The following AGBL4 variants were observed in gnomAD, a reference collection of about 807,000 sequenced individuals.
The protein encoded by AGBL4 is AGBL carboxypeptidase 4.
A neutral mutation model predicts 66.4 loss-of-function variants in AGBL4; 58 were observed. The ratio of observed to expected loss-of-function variants is 0.87; its 90% CI spans 0.71 to 1.09. AGBL4 has a LOEUF of 1.09. Among genes scored for constraint, AGBL4 ranks in the 50% least tolerant of loss-of-function variants. The probability of loss-of-function intolerance (pLI) is 0.00; values close to 1 mark genes in which losing one functional copy is unlikely to be tolerated. For synonymous variants in AGBL4, 234 were observed against 222.9 expected (o/e 1.05, Z -0.44); for missense variants, 579 against 631.0 (o/e 0.92, Z 0.88).
At chr1:49,333,255 G>A (rs1645370462) in intron 3 of AGBL4, among the ~76,000 whole-genome samples, 1 of 152,158 alleles carries the variant, frequency 6.6e-6, no homozygotes, top group Non-Finnish European at 1.5e-5. Flanking sequence ...CAAGGCGGGT[G>A]GATCATGAGG....
chr1:48,585,633 G>GT (rs1209469358), intron 11 of AGBL4: 2 of 152,220 alleles, frequency 1.3e-5, no homozygotes. Context: ...ATGACCCTCA[G>GT]TCTTGATGAC....
chr1:49,793,093 T>C lies in AGBL4; in HGVS notation c.157+58303A>G, dbSNP rs189576217. Among the ~76,000 whole-genome samples the C allele has an allele frequency of 2.0e-5, 3 of 152,064 alleles. No individual in the cohort carries two copies. In the South Asian group the frequency reaches 6.2e-4, roughly 31 times the overall value. On this transcript the variant is annotated intron_variant, in intron 2 of 13. Transcript: ENST00000371839. ...ATTACTCTCTATCCTCTTATTTTTA[T>C]TCAAAGCACTCTTCATCACCTGATA...
At chr1:49,095,069 A>G (rs1388776521) in intron 4 of AGBL4, among the ~76,000 whole-genome samples, 14 of 152,196 alleles carry the variant, frequency 9.2e-5, no homozygotes, top group East Asian at 1.9e-4. Flanking sequence ...AATCATGAGC[A>G]AACTCCCATT....
At chr1:48,884,076 C>T (rs191728722) in intron 5 of AGBL4, among the ~76,000 whole-genome samples, 11 of 152,334 alleles carry the variant, frequency 7.2e-5, no homozygotes, top group African/African-American at 2.4e-4. Context: ...TTTGCAATTA[C>T]ATCTTGGTTT....
At chr1:49,733,937 G>A (rs992757485) in intron 2 of AGBL4, among the ~76,000 whole-genome samples, 1 of 152,058 alleles carries the variant, frequency 6.6e-6, no homozygotes, top group Non-Finnish European at 1.5e-5. Context: ...TATACACTAT[G>A]ACTAAGTAGA....
At chr1:48,576,231 T>C (rs1046702131) in intron 11 of AGBL4, among the ~76,000 whole-genome samples, 5 of 152,318 alleles carry the variant, frequency 3.3e-5, no homozygotes, top group African/African-American at 9.6e-5. Flanking sequence ...CAAACCCTAT[T>C]GTGAACTATG....
intron 6 of AGBL4, among the ~76,000 whole-genome samples, chr1:48,732,228 GAAGA>G (rs1410688645): frequency 6.6e-6 from 1 of 152,050 alleles, no homozygotes; most frequent in Non-Finnish European, 1.5e-5. Context: ...AGAAGGAGAG[GAAGA>G]AAGAGAGAGA....
Position 49,044,944 on chromosome 1 carries a change from T to C in AGBL4, c.594+640A>G, listed in dbSNP as rs144591925. On this transcript the variant is annotated intron_variant, in intron 5 of 13. Transcript: ENST00000371839. ...ATTTCTAGCCCCTGGAATTATAAGA[T>C]AATAATTTTGTGTTGTTTTGTACTA... Among the ~76,000 whole-genome samples the C allele has an allele frequency of 2.7e-4, 41 of 152,338 alleles. 1 individual carries two copies. In the East Asian group the frequency reaches 7.7e-3, roughly 29 times the overall value.
intron 9 of AGBL4, among the ~76,000 whole-genome samples, chr1:48,622,131 G>C (rs1196340138): frequency 6.7e-6 from 1 of 148,468 alleles, no homozygotes; most frequent in Non-Finnish European, 1.5e-5. Context: ...TCCTGGTCCA[G>C]TCCAGCAAAC....
At chr1:49,589,424 T>C (rs749507830) in intron 3 of AGBL4, among the ~76,000 whole-genome samples, 25 of 152,056 alleles carry the variant, frequency 1.6e-4, no homozygotes, top group Non-Finnish European at 2.9e-4. Flanking sequence ...GCTGTCTCAA[T>C]AGACTTACCT....
intron 3 of AGBL4, among the ~76,000 whole-genome samples, chr1:49,672,136 A>G (rs997589389): frequency 6.6e-6 from 1 of 152,220 alleles, no homozygotes; most frequent in Non-Finnish European, 1.5e-5. Context: ...CATATATACC[A>G]TGGAATATTA....
downstream of AGBL4, among the ~76,000 whole-genome samples, chr1:48,529,581 C>T (rs1215724065): frequency 6.6e-6 from 1 of 152,138 alleles, no homozygotes; most frequent in Non-Finnish European, 1.5e-5. Flanking sequence ...TGTCTCCCCT[C>T]TGCTTTGTGG....
At position 48,913,908 on chromosome 1, in the gene AGBL4, G is replaced by C. The variant is rs186294394; in HGVS notation, c.595-46678C>G. 1.7e-4 allele frequency among the ~76,000 whole-genome samples: 26 copies of C among 152,248 alleles called. No individual in the cohort carries two copies. In the East Asian group the frequency reaches 4.8e-3, roughly 28 times the overall value. On this transcript the variant is annotated intron_variant, in intron 5 of 13. Coordinates refer to ENST00000371839, the MANE Select transcript of AGBL4 (RefSeq NM_032785.4). The stretch of plus-strand genomic sequence containing the variant: ...AGATTGTCATGGGATTTTCATACCC[G>C]TGGAAGAAGGGTTGGTTTCGAATCT...
At chr1:48,806,242 G>T (rs879427960) in intron 6 of AGBL4, among the ~76,000 whole-genome samples, 15 of 152,086 alleles carry the variant, frequency 9.9e-5, no homozygotes, top group Admixed American at 2.0e-4. Context: ...CTGAATATTT[G>T]CCCTGTACTA....
At chr1:49,994,202 G>A (rs1660178085) in intron 1 of AGBL4, 2 of 152,048 alleles carry the variant, frequency 1.3e-5, no homozygotes, top group Admixed American at 1.3e-4. Context: ...AAGTAGTCTT[G>A]CAGGGGGAAG....
At chr1:48,782,167 C>T (rs1250104663) in intron 6 of AGBL4, among the ~76,000 whole-genome samples, 3 of 152,152 alleles carry the variant, frequency 2.0e-5, no homozygotes, top group South Asian at 2.1e-4. Context: ...CAGAGGCCTG[C>T]GAAGACGCTG....
rs186296548 is a variant in AGBL4, at chr1:48,850,153, C to T, written c.634+17038G>A. Among the ~76,000 whole-genome samples the T allele has an allele frequency of 3.2e-3, 486 of 152,156 alleles. 1 individual carries two copies. The Middle Eastern group carries it at 0.034, about 11-fold the overall frequency. On this transcript the variant is annotated intron_variant, in intron 6 of 13. Transcript: ENST00000371839. ...GGTAATTTTGTTACAAATGATTCAC[C>T]GACTATACTTTGAGAACAAATGGAG...
At chr1:48,581,235 C>A (rs1644735894) in intron 11 of AGBL4, among the ~76,000 whole-genome samples, 1 of 152,182 alleles carries the variant, frequency 6.6e-6, no homozygotes, top group African/African-American at 2.4e-5. Flanking sequence ...GTGATGTAGG[C>A]TTCAGAGGAC....
chr1:48,689,045 G>A (rs1371745412), intron 6 of AGBL4, among the ~76,000 whole-genome samples: 2 of 151,494 alleles, frequency 1.3e-5, no homozygotes, highest in African/African-American at 4.8e-5. Flanking sequence ...GTGAAACCCC[G>A]TCTCTACTAA....
Sources: gnomAD v4.1 joint callset for allele counts (sites outside exome capture counted in the v4.1 genomes callset) on GRCh38, gnomAD v4.1.1 for gene constraint, MANE v1.5 for transcripts, NCBI Gene and HGNC (gene_info 2026-07-23, HGNC 2026-07-21) for gene names.